Variants in DLEC1 observed in about 807,000 individuals in gnomAD.
DLEC1 encodes the protein deleted in lung and esophageal cancer protein 1.
In DLEC1, 146 loss-of-function variants were observed where a neutral mutation model predicts 198.1. That is an observed-to-expected ratio of 0.74 (90% CI 0.64 to 0.85). DLEC1 has a LOEUF of 0.85. Among genes scored for constraint, DLEC1 ranks in the 40% least tolerant of loss-of-function variants. DLEC1 has a pLI of 0.00. For missense variants in DLEC1, 2,233 were observed against 2,220.0 expected (o/e 1.01, Z -0.12); for synonymous variants, 897 against 866.8 (o/e 1.03, Z -0.61).
chr3:38,071,999 T>G (rs1416058857), intron 6 of DLEC1, among the ~76,000 whole-genome samples: 1 of 152,184 alleles, frequency 6.6e-6, no homozygotes, highest in Non-Finnish European at 1.5e-5. Flanking sequence ...AGCCTGCCTT[T>G]GCTGGTGAGT....
intron 2 of DLEC1, among the ~76,000 whole-genome samples, chr3:38,057,143 G>A (rs1696415760): frequency 6.6e-6 from 1 of 152,222 alleles, no homozygotes; most frequent in African/African-American, 2.4e-5. Flanking sequence ...GGAATGGATA[G>A]GTAGGTTGTT....
At chr3:38,079,856 T>C (rs989453739) in intron 6 of DLEC1, among the ~76,000 whole-genome samples, 65 of 152,176 alleles carry the variant, frequency 4.3e-4, no homozygotes, top group African/African-American at 1.4e-3. Flanking sequence ...AGGCAAGGAA[T>C]TGCAACTTTT....
intron 19 of DLEC1, 38 bp downstream of exon 19, chr3:38,100,463 T>C (rs958769798): frequency 2.5e-6 from 4 of 1,570,888 alleles, no homozygotes; most frequent in Non-Finnish European, 1.7e-6. Context: ...CAACAAACTA[T>C]GCATATTCGT....
intron 21 of DLEC1, 63 bp from the exon 22 acceptor site, chr3:38,109,369 C>T: frequency 6.2e-7 from 1 of 1,600,864 alleles, no homozygotes; most frequent in Non-Finnish European, 8.5e-7. Flanking sequence ...CTGCGGAAGA[C>T]CATCTGGGCT....
chr3:38,116,313 T>C, intron 27 of DLEC1, 140 bp from the exon 28 acceptor site: 1 of 734,626 alleles, frequency 1.4e-6, no homozygotes. Context: ...GGAAGTGGCA[T>C]TAGAGAGGCA....
In DLEC1 at chr3:38,085,303, G is replaced by T. The variant is rs553270722; in HGVS notation, c.1291G>T (p.Ala431Ser). Residue 431 changes from alanine to serine, a missense_variant, in exon 8 of 37, where the codon GCT (alanine) becomes TCT (serine). Ala to Ser is a moderately conservative substitution (Grantham distance 99). Coordinates refer to ENST00000308059, the MANE Select transcript of DLEC1 (RefSeq NM_007335.4). ...GMFPGKGGMV[A>S]PGMTCQYIVQ... ...GTTCCCAGGAAAAGGTGGAATGGTG[G>T]CTCCTGGAATGACCTGCCAGTACAT... 5.2e-5 allele frequency: 84 copies of T among 1,614,156 alleles called. No homozygotes were observed. The South Asian group carries it at 5.8e-4, about 11-fold the overall frequency.
intron 6 of DLEC1, among the ~76,000 whole-genome samples, chr3:38,077,582 T>C (rs1697698716): frequency 6.6e-6 from 1 of 152,180 alleles, no homozygotes; most frequent in East Asian, 1.9e-4. Flanking sequence ...GCTTGGCTGA[T>C]TTGACAAATA....
At position 38,123,907 on chromosome 3, in the gene DLEC1, T is replaced by TGAGGCA. The variant is rs1003779677; in HGVS notation, c.*1497_*1502dup. On this transcript the variant is annotated 3_prime_UTR_variant, in exon 37 of 37. Coordinates refer to ENST00000308059, the MANE Select transcript of DLEC1 (RefSeq NM_007335.4). The stretch of plus-strand genomic sequence containing the variant: ...TCCCAGATACTCGGGAGGCTGAGGC[T>TGAGGCA]GAGGCAGGAAAATTGCTTGAACCCA... 2.7e-5 allele frequency: 4 copies of TGAGGCA among 150,766 alleles called. No individual in the cohort carries two copies. The highest frequency in any genetic ancestry group is 2.9e-5 in the Non-Finnish European group (2 of 67,852). 9.3% of individuals were successfully genotyped at this position (150,766 alleles called of 1,614,324 possible). A position where few individuals can be genotyped will look rare whatever the true frequency, so the allele number is the denominator to read the frequency against.
intron 6 of DLEC1, among the ~76,000 whole-genome samples, chr3:38,072,128 A>C (rs1446544958): frequency 1.3e-5 from 2 of 152,222 alleles, no homozygotes; most frequent in African/African-American, 4.8e-5. Flanking sequence ...AGATGCAGTC[A>C]TGAGGGTCAG....
intron 26 of DLEC1, 88 bp from the exon 27 acceptor site, chr3:38,114,895 T>G (rs1182634923): frequency 5.9e-6 from 7 of 1,190,604 alleles, no homozygotes; most frequent in African/African-American, 3.0e-5. Flanking sequence ...TATTTCCCCC[T>G]GCCTGAGCCC....
intron 2 of DLEC1, 32 bp from the exon 3 acceptor site, chr3:38,059,710 A>G: frequency 6.3e-7 from 1 of 1,590,148 alleles, no homozygotes; most frequent in Non-Finnish European, 8.6e-7. Flanking sequence ...TCTGGCTGGA[A>G]ACACCTTGTT....
chr3:38,073,718 C>T lies in DLEC1; in HGVS notation c.1173+9799C>T, dbSNP rs551960307. Among the ~76,000 whole-genome samples the T allele has an allele frequency of 8.5e-5, 13 of 152,142 alleles. No individual in the cohort carries two copies. The South Asian group carries it at 2.7e-3, about 32-fold the overall frequency. ...GTTGGCACCAGAGTGGGGGAGTTTT[C>T]AGGGGTTTTGAAGCTTGGCCGTCAG... On this transcript the variant is annotated intron_variant, in intron 6 of 36. Transcript: ENST00000308059.
At position 38,097,809 on chromosome 3, in the gene DLEC1, C is replaced by T. The variant is rs187581481; in HGVS notation, c.2631C>T (p.Ala877=). The part of the protein sequence containing the change: ...QFGLLRLGQK[A]TNSIQIRNVS... ...GTCTGCTCCGCCTGGGGCAGAAAGC[C>T]ACAAACTCCATCCAGATCCGGAACG... is the stretch of plus-strand genomic sequence containing the variant. The change falls in exon 18 of 37, where the codon GCC becomes GCT. Residue 877 remains alanine (A), a synonymous_variant. Coordinates refer to ENST00000308059, the MANE Select transcript of DLEC1 (RefSeq NM_007335.4). 1.5e-3 allele frequency: 2,396 copies of T among 1,614,176 alleles called. 5 individuals carry two copies. The highest frequency in any genetic ancestry group is 1.8e-3 in the Non-Finnish European group (2,120 of 1,180,026).
chr3:38,106,034 G>T (rs1218547289), intron 19 of DLEC1, among the ~76,000 whole-genome samples: 1 of 152,078 alleles, frequency 6.6e-6, no homozygotes, highest in Admixed American at 6.5e-5. Context: ...AATTTCAGTA[G>T]TCTGAAATGT....
chr3:38,110,899 C>T (rs1340349989), intron 23 of DLEC1, among the ~76,000 whole-genome samples: 3 of 152,024 alleles, frequency 2.0e-5, no homozygotes, highest in African/African-American at 7.2e-5. Context: ...AATATACACA[C>T]ATACACATAT....
rs748270520 is a variant in DLEC1, at chr3:38,085,306, C to T, written c.1294C>T (p.Pro432Ser). 1 of 1,614,070 alleles carries T rather than the reference C, an allele frequency of 6.2e-7. No individual in the cohort carries two copies. Among genetic ancestry groups the T allele is most frequent in the Non-Finnish European group, 8.5e-7 (1 of 1,180,004 alleles). The change falls in exon 8 of 37, where the codon CCT becomes TCT. Residue 432 changes from proline (P) to serine (S), a missense_variant. Transcript: ENST00000308059. Reference sequence around the variant, plus strand: ...CCCAGGAAAAGGTGGAATGGTGGCTCCTGGAATGACCTGCCAGTACATTGT... The same window carrying T: ...CCCAGGAAAAGGTGGAATGGTGGCTTCTGGAATGACCTGCCAGTACATTGT... Reference protein sequence around the residue: ...MFPGKGGMVAPGMTCQYIVQF... With the variant: ...MFPGKGGMVASGMTCQYIVQF...
At chr3:38,094,390 C>T (rs1361071574) in intron 12 of DLEC1, among the ~76,000 whole-genome samples, 1 of 152,198 alleles carries the variant, frequency 6.6e-6, no homozygotes, top group African/African-American at 2.4e-5. Flanking sequence ...ATGGAGTTGC[C>T]ACTGTTCCTG....
intron 19 of DLEC1, among the ~76,000 whole-genome samples, chr3:38,104,845 G>T (rs1218413665): frequency 2.6e-5 from 4 of 151,964 alleles, no homozygotes; most frequent in Non-Finnish European, 5.9e-5. Flanking sequence ...TTTGGGTTTA[G>T]TTTGCTCTTC....
Position 38,062,817 on chromosome 3 carries a change from G to T in DLEC1, c.1094+16G>T, listed in dbSNP as rs542446778. 1.9e-6 allele frequency: 3 copies of T among 1,611,046 alleles called. No homozygotes were observed. Among genetic ancestry groups the T allele is most frequent in the Admixed American group, 3.3e-5 (2 of 59,780 alleles). On this transcript the variant is annotated intron_variant, in intron 5 of 36. Transcript: ENST00000308059. ...CAGAACAGAGGTATGTCTTTCTCTG[G>T]CTTGAACTCTCAGAAAACCTGGCCC...
Sources: gnomAD v4.1 joint callset for allele counts (sites outside exome capture counted in the v4.1 genomes callset) on GRCh38, gnomAD v4.1.1 for gene constraint, MANE v1.5 for transcripts, NCBI Gene and HGNC (gene_info 2026-07-23, HGNC 2026-07-21) for gene names.